Variants in GALNTL6 observed in about 807,000 individuals in gnomAD.
GALNTL6 encodes the protein polypeptide N-acetylgalactosaminyltransferase-like 6.
In GALNTL6, 46 loss-of-function variants were observed where a neutral mutation model predicts 73.7. The observed-to-expected ratio is 0.62, with a 90% CI of 0.49 to 0.80. The LOEUF (loss-of-function observed/expected upper bound fraction) is 0.80, where lower values mean the gene tolerates loss of function less well. Among genes scored for constraint, GALNTL6 ranks in the 30% least tolerant of loss-of-function variants. The pLI is 0.00. For missense variants in GALNTL6, 604 were observed against 755.0 expected, an observed-to-expected ratio of 0.80 and a Z score of 2.34; for synonymous variants, 259 against 263.7, an observed-to-expected ratio of 0.98 and a Z score of 0.17.
intron 5 of GALNTL6, among the ~76,000 whole-genome samples, chr4:172,610,537 T>C (rs1738487572): frequency 6.6e-6 from 1 of 152,116 alleles, no homozygotes; most frequent in Admixed American, 6.6e-5. Context: ...ATTTTTATTG[T>C]TCTGTGGCTT....
chr4:172,638,198 G>T (rs1739784278), intron 5 of GALNTL6, among the ~76,000 whole-genome samples: 1 of 152,148 alleles, frequency 6.6e-6, no homozygotes, highest in East Asian at 1.9e-4. Flanking sequence ...ACATGACTTT[G>T]TAAGATCTCA....
chr4:172,621,802 G>A (rs1738971016), intron 5 of GALNTL6, among the ~76,000 whole-genome samples: 1 of 152,132 alleles, frequency 6.6e-6, no homozygotes, highest in Admixed American at 6.5e-5. Context: ...GTTGCATAAA[G>A]AAGTTCAATA....
Position 172,609,625 on chromosome 4 carries a change from C to CTCTGTGTGTG in GALNTL6, c.554-199735_554-199734insCTGTGTGTGT, listed in dbSNP as rs753051714. Among the ~76,000 whole-genome samples the CTCTGTGTGTG allele has an allele frequency of 5.0e-3, 467 of 92,786 alleles. 4 individuals carry two copies. Among genetic ancestry groups the CTCTGTGTGTG allele is most frequent in the Admixed American group, 7.7e-3 (59 of 7,658 alleles). 60.9% of individuals were successfully genotyped at this position (92,786 alleles called of 152,430 possible). ...TTTCTCTCTCTCTCTCTCTCTCTCT[C>CTCTGTGTGTG]TGTGTGTGTGTGTGTGTGTGTGTGT... On this transcript the variant is annotated intron_variant, in intron 5 of 12. Coordinates refer to ENST00000506823, the MANE Select transcript of GALNTL6 (RefSeq NM_001034845.3).
At chr4:172,089,945 T>C (rs1469238468) in intron 2 of GALNTL6, among the ~76,000 whole-genome samples, 2 of 152,116 alleles carry the variant, frequency 1.3e-5, no homozygotes, top group Non-Finnish European at 2.9e-5. Context: ...AACGAGAACA[T>C]GAGGTGTTTA....
intron 5 of GALNTL6, among the ~76,000 whole-genome samples, chr4:172,364,745 T>C (rs75382340): frequency 0.073 from 11,097 of 152,226 alleles, 457 homozygotes; most frequent in East Asian, 0.17. Flanking sequence ...TGCCTATCTG[T>C]CCCTAGTCAA....
intron 4 of GALNTL6, among the ~76,000 whole-genome samples, chr4:172,319,920 A>G (rs1164066955): frequency 1.3e-5 from 2 of 152,184 alleles, no homozygotes; most frequent in East Asian, 3.9e-4. Flanking sequence ...GGTATCTGAA[A>G]GAAGATCACT....
intron 5 of GALNTL6, among the ~76,000 whole-genome samples, chr4:172,584,963 A>C (rs1737343785): frequency 6.6e-6 from 1 of 152,222 alleles, no homozygotes; most frequent in African/African-American, 2.4e-5. Context: ...TAAATGCCTG[A>C]GCAGTACTGA....
chr4:172,751,088 G>A (rs1737395627), intron 5 of GALNTL6, among the ~76,000 whole-genome samples: 1 of 152,124 alleles, frequency 6.6e-6, no homozygotes, highest in Non-Finnish European at 1.5e-5. Context: ...TATTGTTGAG[G>A]CATATGTGGT....
intron 5 of GALNTL6, among the ~76,000 whole-genome samples, chr4:172,680,642 T>A (rs1364204604): frequency 6.6e-6 from 1 of 152,154 alleles, no homozygotes; most frequent in Non-Finnish European, 1.5e-5. Context: ...ATCCTCTAGT[T>A]CTATGATCCT....
chr4:172,227,118 T>C (rs1297840027), intron 2 of GALNTL6, among the ~76,000 whole-genome samples: 1 of 152,158 alleles, frequency 6.6e-6, no homozygotes, highest in Non-Finnish European at 1.5e-5. Flanking sequence ...TATGAAGTTC[T>C]CTGTGTAGAG....
intron 2 of GALNTL6, among the ~76,000 whole-genome samples, chr4:171,915,857 T>C (rs1403199556): frequency 6.6e-6 from 1 of 152,170 alleles, no homozygotes; most frequent in East Asian, 1.9e-4. Context: ...CTTGGACTTC[T>C]GACTTTTCAC....
Position 171,904,670 on chromosome 4 carries a change from G to A in GALNTL6, c.138+89952G>A, listed in dbSNP as rs533294112. 2.0e-3 allele frequency among the ~76,000 whole-genome samples: 302 copies of A among 152,186 alleles called. 1 individual carries two copies. The highest frequency in any genetic ancestry group is 7.0e-3 in the African/African-American group (290 of 41,506). ...GCCACAAAGATACTCCCTGAGAAGA[G>A]CAACTCCAAGACACATAATTATCAG... On this transcript the variant is annotated intron_variant, in intron 2 of 12. Transcript: ENST00000506823.
At chr4:172,735,218 T>C (rs1736391205) in intron 5 of GALNTL6, among the ~76,000 whole-genome samples, 1 of 152,302 alleles carries the variant, frequency 6.6e-6, no homozygotes, top group African/African-American at 2.4e-5. Context: ...GGAGGTGCTC[T>C]GTACCCTGCA....
intron 5 of GALNTL6, among the ~76,000 whole-genome samples, chr4:172,428,805 A>G (rs2111376912): frequency 6.6e-6 from 1 of 152,352 alleles, no homozygotes; most frequent in Admixed American, 6.5e-5. Context: ...CGAAAACTAA[A>G]GTATGTTTGT....
intron 2 of GALNTL6, among the ~76,000 whole-genome samples, chr4:171,897,928 A>AAAAT (rs939074948): frequency 5.9e-5 from 9 of 151,412 alleles, no homozygotes; most frequent in South Asian, 2.1e-4. Flanking sequence ...CTCTGTCTCA[A>AAAAT]AAATAAATAA....
rs1438932432 is a variant in GALNTL6, at chr4:172,745,711, T to G, written c.554-63650T>G. Among the ~76,000 whole-genome samples the G allele has an allele frequency of 2.0e-5, 3 of 152,024 alleles. No homozygotes were observed. The East Asian group carries it at 5.8e-4, about 29-fold the overall frequency. ...AGATTCAAAATTAAAGTTGACAGAT[T>G]GGAGTCGTGGCAGGAGATTGGAGAG... On this transcript the variant is annotated intron_variant, in intron 5 of 12. Coordinates refer to ENST00000506823, the MANE Select transcript of GALNTL6 (RefSeq NM_001034845.3).
intron 2 of GALNTL6, among the ~76,000 whole-genome samples, chr4:172,027,412 T>C (rs1741620925): frequency 6.6e-6 from 1 of 152,144 alleles, no homozygotes; most frequent in Admixed American, 6.6e-5. Flanking sequence ...ATCTTTGATA[T>C]TACTATTATA....
At chr4:172,594,307 T>C (rs1009902829) in intron 5 of GALNTL6, among the ~76,000 whole-genome samples, 2 of 152,160 alleles carry the variant, frequency 1.3e-5, no homozygotes, top group African/African-American at 2.4e-5. Context: ...ATCATGCCAC[T>C]GCACTCCAGC....
At chr4:172,862,677 G>A (rs1240169750) in intron 7 of GALNTL6, among the ~76,000 whole-genome samples, 6 of 151,770 alleles carry the variant, frequency 4.0e-5, no homozygotes, top group East Asian at 1.9e-4. Flanking sequence ...TCCAGCCTGG[G>A]TGACAGAGTG....
Sources: gnomAD v4.1 joint callset for allele counts (sites outside exome capture counted in the v4.1 genomes callset) on GRCh38, gnomAD v4.1.1 for gene constraint, MANE v1.5 for transcripts, NCBI Gene and HGNC (gene_info 2026-07-23, HGNC 2026-07-21) for gene names.